Variants in RNGTT observed in about 807,000 individuals in gnomAD.
RNGTT encodes mRNA-capping enzyme.
RNGTT carries 33 observed loss-of-function variants against 79.3 expected under a neutral mutation model. The observed-to-expected ratio is 0.42, with a 90% confidence interval of 0.32 to 0.56. RNGTT has a LOEUF of 0.56. RNGTT is among the 20% of genes least tolerant of loss of function. RNGTT has a pLI of 0.17. For missense variants in RNGTT, 497 were observed against 739.1 expected (o/e 0.67, Z 3.80); for synonymous variants, 222 against 235.9 (o/e 0.94, Z 0.54).
chr6:88,914,049 A>C (rs1167700978), intron 4 of RNGTT, among the ~76,000 whole-genome samples: 11 of 152,200 alleles, frequency 7.2e-5, no homozygotes, highest in Non-Finnish European at 1.5e-4. Context: ...CACACAAAAA[A>C]ATAAAATACC....
At chr6:88,838,712 A>G (rs549373372) in intron 11 of RNGTT, among the ~76,000 whole-genome samples, 1 of 152,268 alleles carries the variant, frequency 6.6e-6, no homozygotes, top group South Asian at 2.1e-4. Flanking sequence ...ATTCATTACA[A>G]TTCCAACCAA....
chr6:88,843,762 T>C (rs1181301758), intron 11 of RNGTT, among the ~76,000 whole-genome samples: 1 of 151,294 alleles, frequency 6.6e-6, no homozygotes, highest in East Asian at 1.9e-4. Flanking sequence ...TTCACCATAT[T>C]GGCCAGGCTG....
intron 13 of RNGTT, among the ~76,000 whole-genome samples, chr6:88,704,716 C>G (rs1005042970): frequency 6.6e-6 from 1 of 152,106 alleles, no homozygotes; most frequent in Non-Finnish European, 1.5e-5. Context: ...TCTATCCAAC[C>G]TCTTCAGAGG....
intron 14 of RNGTT, among the ~76,000 whole-genome samples, chr6:88,624,130 A>G (rs569906952): frequency 1.3e-5 from 2 of 152,108 alleles, no homozygotes; most frequent in South Asian, 4.1e-4. Flanking sequence ...CACCATGTTC[A>G]TGGATTGAAA....
intron 14 of RNGTT, among the ~76,000 whole-genome samples, chr6:88,650,408 C>A (rs1467711564): frequency 1.3e-5 from 2 of 152,148 alleles, no homozygotes; most frequent in Non-Finnish European, 2.9e-5. Context: ...TGTTCCTTCT[C>A]CCTGCAATTC....
chr6:88,871,933 C>T lies in RNGTT; in HGVS notation c.897-18169G>A, dbSNP rs190595363. Among the ~76,000 whole-genome samples the T allele has an allele frequency of 1.7e-3, 252 of 152,218 alleles. 1 individual carries two copies. The highest frequency in any genetic ancestry group is 5.8e-3 in the African/African-American group (242 of 41,552). ...CATAAAAACAAACATTTCTTACCTC[C>T]TATTTGTTCCTCTAAAAATCCACTT... On this transcript the variant is annotated intron_variant, in intron 8 of 15. Coordinates refer to ENST00000369485, the MANE Select transcript of RNGTT (RefSeq NM_003800.5).
At chr6:88,855,583 T>C (rs1398562786) in intron 8 of RNGTT, among the ~76,000 whole-genome samples, 4 of 151,826 alleles carry the variant, frequency 2.6e-5, no homozygotes, top group Admixed American at 2.0e-4. Flanking sequence ...TTAATAATAA[T>C]GATAATTAGT....
chr6:88,791,960 T>C (rs915167935), intron 12 of RNGTT, among the ~76,000 whole-genome samples: 1 of 152,174 alleles, frequency 6.6e-6, no homozygotes, highest in African/African-American at 2.4e-5. Context: ...GGTACACCAT[T>C]GATACTATTC....
Position 88,801,539 on chromosome 6 carries a change from C to T in RNGTT, c.1338+25G>A, listed in dbSNP as rs2127862994. The T allele has an allele frequency of 2.5e-6, 4 of 1,588,660 alleles. No homozygotes were observed. In the East Asian group the frequency reaches 6.7e-5, roughly 27 times the overall value. On this transcript the variant is annotated intron_variant, in intron 12 of 15. Coordinates refer to ENST00000369485, the MANE Select transcript of RNGTT (RefSeq NM_003800.5). ...ACACACACAAACACACAAACGAACA[C>T]ACACACACAGACAAATGAACTTACT...
intron 14 of RNGTT, among the ~76,000 whole-genome samples, chr6:88,649,163 A>G (rs987162040): frequency 8.5e-5 from 13 of 152,216 alleles, no homozygotes; most frequent in Non-Finnish European, 1.6e-4. Flanking sequence ...TGTATATTTA[A>G]TGTTTGTATG....
intron 8 of RNGTT, among the ~76,000 whole-genome samples, chr6:88,880,225 G>A (rs1440329835): frequency 6.6e-6 from 1 of 151,948 alleles, no homozygotes. Context: ...AAAGGAAGAA[G>A]GGAAGGAAGG....
At chr6:88,837,327 T>C (rs1781114230) in intron 11 of RNGTT, among the ~76,000 whole-genome samples, 1 of 151,932 alleles carries the variant, frequency 6.6e-6, no homozygotes, top group South Asian at 2.1e-4. Context: ...AGCCCAGGAG[T>C]TCAAGGCTGT....
At chr6:88,729,470 T>C (rs1324476524) in intron 13 of RNGTT, among the ~76,000 whole-genome samples, 4 of 151,380 alleles carry the variant, frequency 2.6e-5, no homozygotes, top group African/African-American at 9.7e-5. Flanking sequence ...TAGACACAAT[T>C]AGAGTCCCAA....
At chr6:88,680,393 T>C (rs1407846018) in intron 13 of RNGTT, among the ~76,000 whole-genome samples, 1 of 152,112 alleles carries the variant, frequency 6.6e-6, no homozygotes, top group African/African-American at 2.4e-5. Flanking sequence ...TTAGATTCTA[T>C]GAAATAAGGT....
chr6:88,655,909 G>A (rs1360862067), intron 14 of RNGTT, among the ~76,000 whole-genome samples: 1 of 152,186 alleles, frequency 6.6e-6, no homozygotes, highest in Non-Finnish European at 1.5e-5. Context: ...TGGCTGGTAA[G>A]TGAAGCTTTC....
chr6:88,717,698 C>T (rs1776567355), intron 13 of RNGTT, among the ~76,000 whole-genome samples: 1 of 151,972 alleles, frequency 6.6e-6, no homozygotes. Flanking sequence ...AAGAAAAGCC[C>T]CAAGAAAAGC....
chr6:88,839,923 G>A (rs146097902), intron 11 of RNGTT, among the ~76,000 whole-genome samples: 209 of 152,178 alleles, frequency 1.4e-3, no homozygotes, highest in African/African-American at 4.8e-3. Flanking sequence ...GTGTTTAACA[G>A]ATCAAATTAA....
intron 13 of RNGTT, among the ~76,000 whole-genome samples, chr6:88,696,166 A>G (rs1414716348): frequency 1.3e-5 from 2 of 152,232 alleles, no homozygotes; most frequent in African/African-American, 2.4e-5. Flanking sequence ...TCACCACAAA[A>G]AAGTGTAATT....
chr6:88,935,904 G>C (rs1280443343), intron 2 of RNGTT, among the ~76,000 whole-genome samples: 1 of 152,054 alleles, frequency 6.6e-6, no homozygotes, highest in African/African-American at 2.4e-5. Flanking sequence ...ACTGATTTTT[G>C]TATGTTGATT....
Sources: gnomAD v4.1 joint callset for allele counts (sites outside exome capture counted in the v4.1 genomes callset) on GRCh38, gnomAD v4.1.1 for gene constraint, MANE v1.5 for transcripts, NCBI Gene and HGNC (gene_info 2026-07-23, HGNC 2026-07-21) for gene names.